The following STAT4 variants were observed in gnomAD, a reference collection of about 807,000 sequenced individuals.
STAT4 encodes the protein signal transducer and activator of transcription 4.
A neutral mutation model predicts 110.5 loss-of-function variants in STAT4; 42 were observed. That is an observed-to-expected ratio of 0.38 (90% CI 0.30 to 0.49). The LOEUF (loss-of-function observed/expected upper bound fraction) is 0.49. Among genes scored for constraint, STAT4 ranks in the 20% least tolerant of loss-of-function variants. The probability of loss-of-function intolerance (pLI) is 0.95; values close to 1 mark genes in which losing one functional copy is unlikely to be tolerated. For synonymous variants in STAT4, 284 were observed against 302.2 expected, an observed-to-expected ratio of 0.94 and a Z score of 0.63; for missense variants, 632 against 887.9, an observed-to-expected ratio of 0.71 and a Z score of 3.66.
Position 191,068,948 on chromosome 2 carries a change from G to GA in STAT4, c.544+744dup, listed in dbSNP as rs1697069002. Among the ~76,000 whole-genome samples the GA allele has an allele frequency of 3.9e-5, 6 of 151,910 alleles. No individual in the cohort carries two copies. In the South Asian group the frequency reaches 1.2e-3, roughly 31 times the overall value. Reference sequence around the variant, plus strand: ...TAAACAATTTCAGTGTTTAACCACAGAAAAAATAGTAAAATAAATTGCAGT... The same window carrying GA: ...TAAACAATTTCAGTGTTTAACCACAGAAAAAAATAGTAAAATAAATTGCAGT... On this transcript the variant is annotated intron_variant, in intron 6 of 23. Transcript: ENST00000392320.
At position 191,073,101 on chromosome 2, in the gene STAT4, C is replaced by A. The variant is rs1490084663; in HGVS notation, c.462G>T (p.Val154=). 6.2e-7 allele frequency: 1 copy of A among 1,613,714 alleles called. No homozygotes were observed. Among genetic ancestry groups the A allele is most frequent in the African/African-American group, 1.3e-5 (1 of 74,916 alleles). The part of the protein sequence containing the change: ...EHKVAAIKNS[V]QMTEQDTKYL... ...GTATCTGTATAAAAGCACTTACCTG[C>A]ACACTGTTTTTAATGGCAGCCACTT... The change falls in exon 5 of 24, where the codon GTG becomes GTT. Residue 154 remains valine, a synonymous_variant. Coordinates refer to ENST00000392320, the MANE Select transcript of STAT4 (RefSeq NM_003151.4).
intron 3 of STAT4, among the ~76,000 whole-genome samples, chr2:191,102,418 C>A (rs911581574): frequency 6.6e-6 from 1 of 152,254 alleles, no homozygotes; most frequent in African/African-American, 2.4e-5. Context: ...ATGCTTATAG[C>A]AATTACCATT....
intron 1 of STAT4, among the ~76,000 whole-genome samples, chr2:191,149,115 A>C (rs1326720305): frequency 6.6e-6 from 1 of 152,194 alleles, no homozygotes; most frequent in Non-Finnish European, 1.5e-5. Context: ...TATGTTTTCC[A>C]AAGTCAAATT....
At chr2:191,079,316 A>G (rs1393011250) in intron 3 of STAT4, among the ~76,000 whole-genome samples, 3 of 151,952 alleles carry the variant, frequency 2.0e-5, no homozygotes, top group Non-Finnish European at 2.9e-5. Context: ...GAGACTTGGC[A>G]TCTTTATACT....
rs534938198 is a variant in STAT4, at chr2:191,110,398, C to A, written c.274-34073G>T. On this transcript the variant is annotated intron_variant, in intron 3 of 23. Coordinates refer to ENST00000392320, the MANE Select transcript of STAT4 (RefSeq NM_003151.4). The surrounding 1 kb of genome is among the most constrained non-coding windows in gnomAD (Gnocchi z 4.5). ...ACATTTGTAAATGTCTTCTATATGCCTTGTGCTCGCACATATCATCTCATT... is the reference window on the plus strand; with the variant it reads ...ACATTTGTAAATGTCTTCTATATGCATTGTGCTCGCACATATCATCTCATT... 6.6e-6 allele frequency among the ~76,000 whole-genome samples: 1 copy of A among 152,246 alleles called. No homozygotes were observed. The highest frequency in any genetic ancestry group is 1.9e-4 in the East Asian group (1 of 5,176).
At chr2:191,048,877 CAAA>C (rs1294113866) in intron 14 of STAT4, among the ~76,000 whole-genome samples, 1 of 133,472 alleles carries the variant, frequency 7.5e-6, no homozygotes, top group African/African-American at 2.8e-5. Flanking sequence ...ATTACAGATA[CAAA>C]ATATCCATAT....
intron 3 of STAT4, among the ~76,000 whole-genome samples, chr2:191,114,046 T>C (rs907906680): frequency 6.6e-6 from 1 of 152,224 alleles, no homozygotes; most frequent in African/African-American, 2.4e-5. Flanking sequence ...GCTGCTGTTA[T>C]AATTTAATCT....
chr2:191,151,125 T>G, upstream of STAT4: 1 of 985,448 alleles, frequency 1.0e-6, no homozygotes, highest in Non-Finnish European at 1.2e-6. The surrounding 1 kb of genome is among the most constrained non-coding windows in gnomAD (Gnocchi z 4.7). Context: ...CTTGGGTCAG[T>G]TCCCACCCAC....
In STAT4 at chr2:191,030,972, T is replaced by C; in HGVS notation, c.2220A>G (p.Ala740=). The change falls in exon 23 of 24, where the codon GCA becomes GCG. Residue 740 remains alanine, a splice_region_variant and synonymous_variant. Transcript: ENST00000392320. The surrounding 1 kb of genome is among the most constrained non-coding windows in gnomAD (Gnocchi z 4.4). ...ENLSPTTIET[A]MKSPYSAE The stretch of plus-strand genomic sequence containing the variant: ...GCAATGGAAAATAAAGGGAACATAC[T>C]GCAGTTTCAATTGTTGTGGGACTCA... 1 of 1,613,126 alleles carries C rather than the reference T, an allele frequency of 6.2e-7. No individual in the cohort carries two copies. Among genetic ancestry groups the C allele is most frequent in the South Asian group, 1.1e-5 (1 of 91,082 alleles).
rs144378450 is a variant in STAT4 at position 191,110,069 on chromosome 2, T to C, written c.274-33744A>G. Among the ~76,000 whole-genome samples the C allele has an allele frequency of 0.011, 1,652 of 152,260 alleles. 36 individuals carry two copies. Among genetic ancestry groups the C allele is most frequent in the African/African-American group, 0.038 (1,563 of 41,536 alleles). ...CACCTCCCACCTAGGATCCAACCAC[T>C]GCACCTTCCACAGGGCCCTGCATCA... On this transcript the variant is annotated intron_variant, in intron 3 of 23. Transcript: ENST00000392320. This position sits in a 1 kb window ranked among gnomAD's most constrained non-coding sequence, Gnocchi z 4.5.
At chr2:191,065,423 AAGGGCT>A (rs1696961599) in intron 7 of STAT4, among the ~76,000 whole-genome samples, 1 of 152,124 alleles carries the variant, frequency 6.6e-6, no homozygotes, top group Admixed American at 6.5e-5. Context: ...ATAACTTTCA[AAGGGCT>A]AGGGGTTAGA....
intron 3 of STAT4, among the ~76,000 whole-genome samples, chr2:191,126,874 C>T (rs1698895061): frequency 6.6e-6 from 1 of 152,160 alleles, no homozygotes; most frequent in Non-Finnish European, 1.5e-5. Context: ...GGCTGGAGTA[C>T]AGTGGCATGA....
At chr2:191,065,106 C>A (rs1297506151) in intron 7 of STAT4, 148 bp from the exon 8 acceptor site, 5 of 766,268 alleles carry the variant, frequency 6.5e-6, no homozygotes, top group Non-Finnish European at 9.7e-6. Flanking sequence ...ATTTGCCAGG[C>A]CTTTTCAAAC....
In STAT4 at chr2:191,146,122, AAC is replaced by A. The variant is rs1699452989; in HGVS notation, c.273+489_273+490del. Reference sequence around the variant, plus strand: ...TATCGATGTGTTCTGGTGCTGAGGAAACACACAGAGATGGGCTCTGCCTGGGT... The same window carrying A: ...TATCGATGTGTTCTGGTGCTGAGGAAACACAGAGATGGGCTCTGCCTGGGT... On this transcript the variant is annotated intron_variant, in intron 3 of 23. Coordinates refer to ENST00000392320, the MANE Select transcript of STAT4 (RefSeq NM_003151.4). The surrounding 1 kb of genome is among the most constrained non-coding windows in gnomAD (Gnocchi z 4.5). Among the ~76,000 whole-genome samples the A allele has an allele frequency of 6.6e-6, 1 of 152,222 alleles. No homozygotes were observed. Among genetic ancestry groups the A allele is most frequent in the Non-Finnish European group, 1.5e-5 (1 of 68,030 alleles).
rs1228510715 is a variant in STAT4, at chr2:191,146,852, T to A, written c.129-95A>T. On this transcript the variant is annotated intron_variant, in intron 2 of 23. Transcript: ENST00000392320. This position sits in a 1 kb window ranked among gnomAD's most constrained non-coding sequence, Gnocchi z 4.5. ...ACTTTAAAACAATAAACCTATTACA[T>A]GGTGATAAGCATTTAAAAGTTTTAA... 3 of 1,211,246 alleles carry A rather than the reference T, an allele frequency of 2.5e-6. No individual in the cohort carries two copies. Among genetic ancestry groups the A allele is most frequent in the Middle Eastern group, 2.7e-4 (1 of 3,690 alleles). 75.0% of individuals were successfully genotyped at this position (1,211,246 alleles called of 1,614,324 possible). A position where few individuals can be genotyped will look rare whatever the true frequency, so the allele number is the denominator to read the frequency against.
At chr2:191,115,933 G>C (rs1371365445) in intron 3 of STAT4, among the ~76,000 whole-genome samples, 1 of 152,036 alleles carries the variant, frequency 6.6e-6, no homozygotes, top group East Asian at 1.9e-4. Context: ...ATTCAAGTAG[G>C]GCTACTTACA....
rs1489316642 is a variant in STAT4, at chr2:191,062,737, A to G, written c.941+25T>C. The G allele has an allele frequency of 6.2e-7, 1 of 1,612,438 alleles. No homozygotes were observed. The highest frequency in any genetic ancestry group is 1.3e-5 in the African/African-American group (1 of 74,874). ...GTGTTCTTACTTCACAGAATGGAGG[A>G]TGCCATTGATAGCACTTCACTTACT... On this transcript the variant is annotated intron_variant, in intron 9 of 23. Transcript: ENST00000392320. The surrounding 1 kb of genome is among the most constrained non-coding windows in gnomAD (Gnocchi z 4.9).
At position 191,029,919 on chromosome 2, in the gene STAT4, A is replaced by G. The variant is rs1695839053; in HGVS notation, c.2221-53T>C. 5.0e-6 allele frequency: 7 copies of G among 1,407,564 alleles called. No homozygotes were observed. In the South Asian group the frequency reaches 7.4e-5, roughly 15 times the overall value. The allele number at this position is 1,407,564 out of a possible 1,614,324, so 87.2% of individuals were successfully genotyped here. On this transcript the variant is annotated intron_variant, in intron 23 of 23. Transcript: ENST00000392320. This position sits in a 1 kb window ranked among gnomAD's most constrained non-coding sequence, Gnocchi z 4.5. Reference sequence around the variant, plus strand: ...GAGGAAACTACTGGTTTTCAAATCAATCACTATTTCTTGGGCAAATAAACG... The same window carrying G: ...GAGGAAACTACTGGTTTTCAAATCAGTCACTATTTCTTGGGCAAATAAACG...
intron 13 of STAT4, 46 bp downstream of exon 13, chr2:191,057,972 G>C (rs1696751938): frequency 6.8e-7 from 1 of 1,471,672 alleles, no homozygotes; most frequent in Non-Finnish European, 9.5e-7. Flanking sequence ...AAAGATGTCT[G>C]ATTTTGGGGA....
Sources: gnomAD v4.1 joint callset for allele counts (sites outside exome capture counted in the v4.1 genomes callset) on GRCh38, gnomAD v4.1.1 for gene constraint, Gnocchi (gnomAD v3.1) non-coding constraint, MANE v1.5 for transcripts, NCBI Gene and HGNC (gene_info 2026-07-23, HGNC 2026-07-21) for gene names.